The following CHRNA7 variants were observed in gnomAD, a reference collection of about 807,000 sequenced individuals.
CHRNA7 encodes the protein cholinergic receptor nicotinic alpha 7 subunit.
Under a neutral mutation model 48.0 loss-of-function variants are expected in CHRNA7, and 17 were observed. The observed-to-expected ratio is 0.35, with a 90% CI of 0.24 to 0.53. The LOEUF (loss-of-function observed/expected upper bound fraction) is 0.53, where lower values mean the gene tolerates loss of function less well. Ranked by LOEUF, CHRNA7 falls within the 20% of genes least tolerant of loss-of-function variation. The probability of loss-of-function intolerance (pLI) is 0.92; values close to 1 mark genes in which losing one functional copy is unlikely to be tolerated. For synonymous variants in CHRNA7, 75 were observed against 242.3 expected, an observed-to-expected ratio of 0.31 and a Z score of 6.41; for missense variants, 155 against 577.7, an observed-to-expected ratio of 0.27 and a Z score of 7.50.
At chr15:32,032,719 C>T (rs1901903336) in intron 2 of CHRNA7, among the ~76,000 whole-genome samples, 1 of 152,124 alleles carries the variant, frequency 6.6e-6, no homozygotes, top group Non-Finnish European at 1.5e-5. Context: ...GTGGGTGACC[C>T]TGTATTGCCT....
intron 4 of CHRNA7, among the ~76,000 whole-genome samples, chr15:32,114,031 T>TATATATATATGTATATATATATATAC (rs2050811395): frequency 1.1e-5 from 1 of 93,542 alleles, no homozygotes; most frequent in Non-Finnish European, 2.0e-5. Flanking sequence ...TATATATATA[T>TATATATATATGTATATATATATATAC]ATATATATAT....
chr15:32,033,074 G>A (rs1901920374), intron 2 of CHRNA7, among the ~76,000 whole-genome samples: 1 of 152,170 alleles, frequency 6.6e-6, no homozygotes, highest in African/African-American at 2.4e-5. Context: ...GAAGAAGGCT[G>A]TCAGCAGCCA....
At chr15:32,084,888 A>G (rs989015435) in intron 2 of CHRNA7, among the ~76,000 whole-genome samples, 1 of 149,346 alleles carries the variant, frequency 6.7e-6, no homozygotes, top group African/African-American at 2.5e-5. Flanking sequence ...GCTGGAGTGT[A>G]ACGGCACGAT....
At chr15:32,046,624 G>A (rs1157887241) in intron 2 of CHRNA7, among the ~76,000 whole-genome samples, 1 of 152,224 alleles carries the variant, frequency 6.6e-6, no homozygotes, top group Non-Finnish European at 1.5e-5. Context: ...TGGGTTGCCT[G>A]TTCACTCTGA....
chr15:32,057,803 G>T (rs4779973), intron 2 of CHRNA7, among the ~76,000 whole-genome samples: 1 of 152,102 alleles, frequency 6.6e-6, no homozygotes, highest in Non-Finnish European at 1.5e-5. Flanking sequence ...GATAAAAATG[G>T]ACAACGTCCA....
intron 4 of CHRNA7, among the ~76,000 whole-genome samples, chr15:32,117,512 A>G (rs1017924266): frequency 6.6e-6 from 1 of 152,078 alleles, no homozygotes; most frequent in African/African-American, 2.4e-5. Flanking sequence ...TTGATTGTAG[A>G]TCCAATCTCA....
intron 2 of CHRNA7, among the ~76,000 whole-genome samples, chr15:32,072,077 A>G (rs1358178256): frequency 6.6e-6 from 1 of 152,200 alleles, no homozygotes; most frequent in African/African-American, 2.4e-5. Flanking sequence ...GCTGATGGCA[A>G]TATGGACAGT....
chr15:32,098,898 A>ACC (rs1438981025), intron 2 of CHRNA7: 26 of 154,426 alleles, frequency 1.7e-4, no homozygotes, highest in African/African-American at 5.8e-4. Flanking sequence ...ACACACACAC[A>ACC]CACACACACA....
chr15:32,083,502 A>G (rs2050248084), intron 2 of CHRNA7, among the ~76,000 whole-genome samples: 2 of 152,224 alleles, frequency 1.3e-5, no homozygotes, highest in African/African-American at 4.8e-5. Flanking sequence ...TTGCAAAGAA[A>G]CATTGTTGTT....
chr15:32,100,662 A>G (rs1235240952), intron 2 of CHRNA7: 1 of 154,486 alleles, frequency 6.5e-6, no homozygotes, highest in Non-Finnish European at 1.5e-5. Flanking sequence ...GGCTGCTTCT[A>G]AAGTCACCTC....
chr15:32,048,987 A>C (rs1411179345), intron 2 of CHRNA7, among the ~76,000 whole-genome samples: 22 of 140,990 alleles, frequency 1.6e-4, no homozygotes, highest in East Asian at 4.7e-4. Context: ...GTTTTGAGTG[A>C]GTTTCTTAAT....
intron 2 of CHRNA7, among the ~76,000 whole-genome samples, chr15:32,081,436 T>C (rs2050213973): frequency 6.6e-6 from 1 of 152,238 alleles, no homozygotes; most frequent in Admixed American, 6.5e-5. Context: ...CCTGCTTTCC[T>C]ATAGGCTATT....
intron 4 of CHRNA7, among the ~76,000 whole-genome samples, chr15:32,148,085 G>A (rs2051530038): frequency 6.6e-6 from 1 of 152,158 alleles, no homozygotes; most frequent in African/African-American, 2.4e-5. Flanking sequence ...TTTCAAGGTT[G>A]CTGAGAGCTC....
intron 4 of CHRNA7, among the ~76,000 whole-genome samples, chr15:32,113,946 C>A (rs1282752965): frequency 6.7e-6 from 1 of 149,880 alleles, no homozygotes; most frequent in Non-Finnish European, 1.5e-5. Context: ...AGAAGGATCC[C>A]TTGAGCCCAG....
chr15:32,113,090 G>A (rs115861010), intron 4 of CHRNA7, among the ~76,000 whole-genome samples: 455 of 152,264 alleles, frequency 3.0e-3, no homozygotes, highest in African/African-American at 0.011. Flanking sequence ...CAAGGCTGCT[G>A]TAACAAAGTG....
At position 32,103,723 on chromosome 15, in the gene CHRNA7, C is replaced by T. The variant is rs899038595; in HGVS notation, c.240+2376C>T. ...AGAGCCTGGCATTAATGATTGTCCTCGCTGCCAGTAGCATCAAAATAGTGT... is the reference window on the plus strand; with the variant it reads ...AGAGCCTGGCATTAATGATTGTCCTTGCTGCCAGTAGCATCAAAATAGTGT... On this transcript the variant is annotated intron_variant, in intron 3 of 9. Coordinates refer to ENST00000306901, the MANE Select transcript of CHRNA7 (RefSeq NM_000746.6). Among the ~76,000 whole-genome samples the T allele has an allele frequency of 4.6e-5, 7 of 152,180 alleles. No homozygotes were observed. The East Asian group carries it at 1.2e-3, about 25-fold the overall frequency.
chr15:32,058,848 C>T (rs981193399), intron 2 of CHRNA7, among the ~76,000 whole-genome samples: 2 of 152,096 alleles, frequency 1.3e-5, no homozygotes, highest in Non-Finnish European at 2.9e-5. Flanking sequence ...CCTAAAGTAA[C>T]ATCATCTATA....
At chr15:32,114,545 T>A (rs2050835484) in intron 4 of CHRNA7, among the ~76,000 whole-genome samples, 1 of 152,222 alleles carries the variant, frequency 6.6e-6, no homozygotes, top group Non-Finnish European at 1.5e-5. Context: ...ATGTAGAGGC[T>A]GCTTCAATTT....
rs34476605 is a variant in CHRNA7 at position 32,101,283 on chromosome 15, C to CTTTTTTT, written c.196-11_196-5dup. 6.9e-6 allele frequency: 10 copies of CTTTTTTT among 1,452,080 alleles called. No homozygotes were observed. In the African/African-American group the frequency reaches 1.5e-4, roughly 22 times the overall value. The allele number at this position is 1,452,080 out of a possible 1,614,324, so 89.9% of individuals were successfully genotyped here. A position where few individuals can be genotyped will look rare whatever the true frequency, so the allele number is the denominator to read the frequency against. ...GTAAACCATATTATTTATGCTGCTGCTTTTTTTTTTTTTTTGAAGGATGAG... is the reference window on the plus strand; with the variant it reads ...GTAAACCATATTATTTATGCTGCTGCTTTTTTTTTTTTTTTTTTTTTTGAAGGATGAG... On this transcript the variant is annotated intron_variant, in intron 2 of 9. Transcript: ENST00000306901.
Sources: allele counts gnomAD v4.1 joint callset (sites outside exome capture counted in the v4.1 genomes callset), GRCh38; gene constraint gnomAD v4.1.1; transcripts MANE v1.5; gene names NCBI Gene and HGNC (gene_info 2026-07-23, HGNC 2026-07-21).